ENOX2: variants seen among roughly 807,000 people sequenced by gnomAD.
ENOX2 encodes the protein APK1 antigen.
Under a neutral mutation model 45.0 loss-of-function variants are expected in ENOX2, and 36 were observed. That is an observed-to-expected ratio of 0.80 (90% confidence interval 0.61 to 1.06). ENOX2 has a LOEUF of 1.06. ENOX2 is among the 50% of genes least tolerant of loss of function. ENOX2 has a pLI of 0.00. For synonymous variants in ENOX2, 174 were observed against 152.3 expected (o/e 1.14, Z -1.05); for missense variants, 423 against 462.5 (o/e 0.91, Z 0.78).
intron 2 of ENOX2, among the ~76,000 whole-genome samples, chrX:130,893,591 C>T (rs2079015447): frequency 8.9e-6 from 1 of 112,328 alleles, no homozygotes; most frequent in African/African-American, 3.2e-5. Flanking sequence ...GTTTGGACTT[C>T]ATCCTATGGA....
At chrX:130,632,631 T>C (rs1318424425) in intron 12 of ENOX2, among the ~76,000 whole-genome samples, 2 of 112,049 alleles carry the variant, frequency 1.8e-5, no homozygotes, top group Non-Finnish European at 3.8e-5. Flanking sequence ...TCACTTCTTC[T>C]CTTTCCACAA....
intron 2 of ENOX2, among the ~76,000 whole-genome samples, chrX:130,805,740 T>C (rs1445060880): frequency 1.8e-5 from 2 of 111,555 alleles, no homozygotes; most frequent in East Asian, 5.6e-4. Flanking sequence ...CTCACTTCAT[T>C]AGAGGCATGG....
At chrX:130,721,004 C>T (rs545153066) in intron 3 of ENOX2, among the ~76,000 whole-genome samples, 1 of 111,953 alleles carries the variant, frequency 8.9e-6, no homozygotes, top group South Asian at 3.8e-4. Flanking sequence ...AGTAAATGCA[C>T]TCACAACAGG....
intron 2 of ENOX2, among the ~76,000 whole-genome samples, chrX:130,790,341 T>C (rs749201881): frequency 6.2e-4 from 69 of 111,982 alleles, no homozygotes; most frequent in African/African-American, 1.9e-3. Flanking sequence ...CAACTTTTAA[T>C]GACTCCCCAA....
chrX:130,755,545 T>C (rs1424288852), intron 3 of ENOX2, among the ~76,000 whole-genome samples: 1 of 111,235 alleles, frequency 9.0e-6, no homozygotes, highest in Non-Finnish European at 1.9e-5. Flanking sequence ...TAGGATTCCA[T>C]GTGTTTCTGA....
intron 2 of ENOX2, among the ~76,000 whole-genome samples, chrX:130,849,919 C>T (rs965212467): frequency 4.5e-5 from 5 of 111,518 alleles, no homozygotes; most frequent in Non-Finnish European, 9.4e-5. Context: ...ATAACAGGCT[C>T]ATAAGCCTTC....
chrX:130,742,245 C>CTTTTTTTT (rs67776619), intron 3 of ENOX2, among the ~76,000 whole-genome samples: 9 of 60,147 alleles, frequency 1.5e-4, no homozygotes, highest in African/African-American at 4.9e-4. Context: ...AGATAATTTC[C>CTTTTTTTT]TTTTTTTTTT....
chrX:130,722,009 C>A (rs909676560), intron 3 of ENOX2, among the ~76,000 whole-genome samples: 1 of 111,694 alleles, frequency 9.0e-6, no homozygotes, highest in Non-Finnish European at 1.9e-5. Flanking sequence ...AAGAGTCCAT[C>A]TTTGGATTTT....
intron 2 of ENOX2, among the ~76,000 whole-genome samples, chrX:130,873,344 A>T (rs2078634796): frequency 8.9e-6 from 1 of 112,420 alleles, no homozygotes; most frequent in African/African-American, 3.2e-5. Flanking sequence ...CCACAATGAG[A>T]TACCATCTCA....
chrX:130,838,271 A>G (rs747053206), intron 2 of ENOX2, among the ~76,000 whole-genome samples: 3 of 111,756 alleles, frequency 2.7e-5, no homozygotes, highest in African/African-American at 3.3e-5. Context: ...AATCCCAGCT[A>G]CTTGGGAGGC....
chrX:130,814,121 C>A (rs2077437648), intron 2 of ENOX2, among the ~76,000 whole-genome samples: 1 of 112,190 alleles, frequency 8.9e-6, no homozygotes, highest in South Asian at 3.7e-4. Context: ...GTAAACAAAG[C>A]CACCAGGAGG....
rs186125715 is a variant in ENOX2 at position 130,722,624 on chromosome X, A to G, written c.-38-19370T>C. ...TAACCTTCAAGCACAACAGAATGCC[A>G]GGAGAGCAGCCTGACCTTTGCAGTA... On this transcript the variant is annotated intron_variant, in intron 3 of 14. Transcript: ENST00000394363. Among the ~76,000 whole-genome samples, 798 of 112,426 alleles carry G rather than the reference A, an allele frequency of 7.1e-3. 2 individuals are homozygous for G. Among genetic ancestry groups the G allele is most frequent in the Middle Eastern group, 0.018 (4 of 219 alleles).
At chrX:130,645,791 T>C in intron 10 of ENOX2, 4 of 814,529 alleles carry the variant, frequency 4.9e-6, no homozygotes, top group Non-Finnish European at 7.3e-6. Context: ...TCCTGGTCTT[T>C]GGGCTGTCGC....
chrX:130,821,388 G>T (rs2148467459), intron 2 of ENOX2, among the ~76,000 whole-genome samples: 1 of 94,531 alleles, frequency 1.1e-5, no homozygotes, highest in South Asian at 5.7e-4. Context: ...CATGTCCTTT[G>T]TAGGGACATG....
intron 2 of ENOX2, among the ~76,000 whole-genome samples, chrX:130,892,562 T>C (rs747227353): frequency 1.8e-5 from 2 of 112,795 alleles, no homozygotes; most frequent in South Asian, 7.4e-4. Flanking sequence ...TATTCTGGTT[T>C]TATCATGATT....
chrX:130,732,541 A>G (rs2038761643), intron 3 of ENOX2, among the ~76,000 whole-genome samples: 1 of 112,191 alleles, frequency 8.9e-6, no homozygotes, highest in South Asian at 3.7e-4. Flanking sequence ...GATCACAAAT[A>G]GCCAAATCAA....
At chrX:130,677,487 C>T (rs1450315907) in intron 6 of ENOX2, among the ~76,000 whole-genome samples, 1 of 112,085 alleles carries the variant, frequency 8.9e-6, no homozygotes, top group Non-Finnish European at 1.9e-5. Flanking sequence ...ATGTCTAGCA[C>T]TTAGACTCAA....
intron 2 of ENOX2, among the ~76,000 whole-genome samples, chrX:130,820,810 G>A (rs1384034904): frequency 8.9e-6 from 1 of 111,921 alleles, no homozygotes; most frequent in Non-Finnish European, 1.9e-5. Flanking sequence ...GTGGTTGGGG[G>A]ATGAGGAGTT....
chrX:130,738,874 G>T (rs1029184476), intron 3 of ENOX2, among the ~76,000 whole-genome samples: 2 of 111,939 alleles, frequency 1.8e-5, no homozygotes, highest in Non-Finnish European at 3.8e-5. Flanking sequence ...CAGCCAAAGA[G>T]AGCTGCTCTA....
Sources: allele counts gnomAD v4.1 joint callset (sites outside exome capture counted in the v4.1 genomes callset), GRCh38; gene constraint gnomAD v4.1.1; transcripts MANE v1.5; gene names NCBI Gene and HGNC (gene_info 2026-07-23, HGNC 2026-07-21).